The following TEX11 variants were observed in gnomAD, a reference collection of about 807,000 sequenced individuals.
The protein encoded by TEX11 is testis expressed 11.
In TEX11, 7 loss-of-function variants were observed where a neutral mutation model predicts 84.4. The observed-to-expected ratio is 0.08, with a 90% CI of 0.05 to 0.16. TEX11 has a LOEUF of 0.16. Among genes scored for constraint, TEX11 ranks in the 10% least tolerant of loss-of-function variants. The probability of loss-of-function intolerance (pLI) is 1.00; values close to 1 mark genes in which losing one functional copy is unlikely to be tolerated. For synonymous variants in TEX11, 264 were observed against 222.8 expected (o/e 1.18, Z -1.64); for missense variants, 551 against 660.5 (o/e 0.83, Z 1.82).
At chrX:70,605,175 G>T (rs1263542614) in intron 24 of TEX11, among the ~76,000 whole-genome samples, 1 of 111,093 alleles carries the variant, frequency 9.0e-6, no homozygotes, top group Non-Finnish European at 1.9e-5. Context: ...CCATAGGAAG[G>T]GGAATTTTAA....
intron 25 of TEX11, among the ~76,000 whole-genome samples, chrX:70,571,152 G>C (rs2088591537): frequency 1.8e-5 from 2 of 111,034 alleles, no homozygotes; most frequent in African/African-American, 6.6e-5. Flanking sequence ...CCCAGTAGCT[G>C]TGATTACAGG....
chrX:70,780,827 C>T (rs1463867014), intron 9 of TEX11, among the ~76,000 whole-genome samples: 1 of 112,513 alleles, frequency 8.9e-6, no homozygotes, highest in Non-Finnish European at 1.9e-5. Flanking sequence ...TCGGAGCCCA[C>T]CGCAGCTCAG....
At chrX:70,777,446 C>T (rs922714416) in intron 9 of TEX11, among the ~76,000 whole-genome samples, 11 of 111,021 alleles carry the variant, frequency 9.9e-5, no homozygotes, top group African/African-American at 3.6e-4. Flanking sequence ...GTCAGGAGTT[C>T]GAGACCAGCC....
chrX:70,712,397 T>C (rs771100917), intron 13 of TEX11, among the ~76,000 whole-genome samples: 8 of 111,636 alleles, frequency 7.2e-5, no homozygotes, highest in African/African-American at 1.6e-4. Flanking sequence ...GCCATTTTCA[T>C]GATATTGATT....
intron 18 of TEX11, among the ~76,000 whole-genome samples, chrX:70,627,837 T>C (rs976680649): frequency 2.7e-5 from 3 of 111,693 alleles, no homozygotes; most frequent in African/African-American, 9.8e-5. Flanking sequence ...TTACCATCAA[T>C]ATTTTCTTAT....
In TEX11 at chrX:70,651,508, G is replaced by A. The variant is rs1168415970; in HGVS notation, c.1425C>T (p.Asn475=). Residue 475 remains asparagine (N), a synonymous_variant, in exon 17 of 30, where the codon AAC becomes AAT. Coordinates refer to ENST00000374333, the MANE Select transcript of TEX11 (RefSeq NM_031276.3). ...VAEAERHDPR[N]VFTQFYIFKI... ...TGAATATATAAAATTGAGTGAAAAC[G>A]TTCCTAGGGTCATGTCGTTCAGCTT... The A allele has an allele frequency of 7.5e-6, 9 of 1,207,085 alleles. No individual in the cohort carries two copies. Among genetic ancestry groups the A allele is most frequent in the Admixed American group, 2.2e-5 (1 of 45,701 alleles).
At chrX:70,678,597 C>T (rs2090096012) in intron 15 of TEX11, among the ~76,000 whole-genome samples, 1 of 110,732 alleles carries the variant, frequency 9.0e-6, no homozygotes, top group African/African-American at 3.3e-5. Flanking sequence ...TGTAAGCTCT[C>T]AATGGAGAGG....
At chrX:70,692,652 T>C (rs946348563) in intron 13 of TEX11, among the ~76,000 whole-genome samples, 1 of 109,910 alleles carries the variant, frequency 9.1e-6, no homozygotes, top group African/African-American at 3.3e-5. Flanking sequence ...TGTATCTGTA[T>C]ACGTTTGCGT....
chrX:70,596,637 G>A (rs1233783457), intron 24 of TEX11, among the ~76,000 whole-genome samples: 1 of 110,448 alleles, frequency 9.1e-6, no homozygotes, highest in Admixed American at 9.8e-5. Flanking sequence ...GTTTAATGCA[G>A]TTCTTGAAGG....
intron 13 of TEX11, among the ~76,000 whole-genome samples, chrX:70,713,002 A>G (rs1440893807): frequency 1.8e-4 from 20 of 111,323 alleles, no homozygotes; most frequent in African/African-American, 5.2e-4. Flanking sequence ...TAGCATGAAG[A>G]GTTGTTGAAT....
chrX:70,751,149 A>G (rs2090821275), intron 9 of TEX11, among the ~76,000 whole-genome samples: 1 of 105,059 alleles, frequency 9.5e-6, no homozygotes, highest in Non-Finnish European at 2.0e-5. Flanking sequence ...CCAAAGGATT[A>G]TAAACCATGC....
chrX:70,577,100 T>G (rs1049922088), intron 25 of TEX11, among the ~76,000 whole-genome samples: 1 of 111,834 alleles, frequency 8.9e-6, no homozygotes, highest in Non-Finnish European at 1.9e-5. Context: ...TAAAAATTTC[T>G]ATTATCCTTG....
intron 17 of TEX11, among the ~76,000 whole-genome samples, chrX:70,638,521 C>T (rs1162121906): frequency 2.7e-5 from 3 of 110,915 alleles, no homozygotes; most frequent in Non-Finnish European, 3.8e-5. Context: ...ACAAAATCAC[C>T]AGGTATGGTG....
intron 4 of TEX11, among the ~76,000 whole-genome samples, chrX:70,863,066 T>C (rs2091579415): frequency 9.0e-6 from 1 of 111,342 alleles, no homozygotes. Flanking sequence ...CATGGGCTTA[T>C]AGATACAACT....
intron 5 of TEX11, among the ~76,000 whole-genome samples, chrX:70,856,329 G>A (rs7056069): frequency 0.021 from 2,277 of 110,697 alleles, 40 homozygotes; most frequent in African/African-American, 0.07. Context: ...GGGGAGATAT[G>A]AGTATATATT....
the TEX11 span, among the ~76,000 whole-genome samples, chrX:70,519,663 C>A: frequency 9.0e-6 from 1 of 111,685 alleles, no homozygotes; most frequent in Non-Finnish European, 1.9e-5. Context: ...TTCTGGCCTG[C>A]CTTATTAGGT....
At chrX:70,625,904 C>T (rs1240885457) in intron 18 of TEX11, among the ~76,000 whole-genome samples, 2 of 109,416 alleles carry the variant, frequency 1.8e-5, no homozygotes, top group East Asian at 2.9e-4. Context: ...CCCGCCACTA[C>T]GCCTGGCTAA....
intron 28 of TEX11, among the ~76,000 whole-genome samples, chrX:70,544,858 AC>A (rs2088098425): frequency 2.9e-5 from 3 of 102,837 alleles, no homozygotes; most frequent in African/African-American, 1.1e-4. Flanking sequence ...AAAAAAAAAA[AC>A]CCAAAAAAAC....
intron 23 of TEX11, among the ~76,000 whole-genome samples, chrX:70,606,334 A>T (rs781308847): frequency 1.8e-5 from 2 of 112,017 alleles, no homozygotes; most frequent in East Asian, 5.6e-4. Context: ...TGTATTCCTG[A>T]ATGTGTATGA....
Sources: gnomAD v4.1 joint callset for allele counts (sites outside exome capture counted in the v4.1 genomes callset) on GRCh38, gnomAD v4.1.1 for gene constraint, MANE v1.5 for transcripts, NCBI Gene and HGNC (gene_info 2026-07-23, HGNC 2026-07-21) for gene names.